The following RBMS1 variants were observed in gnomAD, a reference collection of about 807,000 sequenced individuals.
RBMS1 encodes the protein RNA-binding motif, single-stranded-interacting protein 1.
A neutral mutation model predicts 62.3 loss-of-function variants in RBMS1; 17 were observed. The observed-to-expected ratio is 0.27, with a 90% CI of 0.19 to 0.41. RBMS1 has a LOEUF of 0.41. RBMS1 is among the 10% of genes least tolerant of loss of function. The probability of loss-of-function intolerance (pLI) is 1.00; values close to 1 mark genes in which losing one functional copy is unlikely to be tolerated. For synonymous variants in RBMS1, 172 were observed against 170.0 expected (o/e 1.01, Z -0.09); for missense variants, 334 against 504.5 (o/e 0.66, Z 3.24).
intron 1 of RBMS1, among the ~76,000 whole-genome samples, chr2:160,464,478 G>A (rs1250153602): frequency 6.6e-6 from 1 of 152,120 alleles, no homozygotes; most frequent in Non-Finnish European, 1.5e-5. Flanking sequence ...TGCATATTAA[G>A]AGTAGACTTG....
chr2:160,384,150 TC>T (rs1694444860), intron 1 of RBMS1, among the ~76,000 whole-genome samples: 1 of 152,190 alleles, frequency 6.6e-6, no homozygotes, highest in South Asian at 2.1e-4. Flanking sequence ...TGAGCCAAGA[TC>T]GTGCCACCGC....
rs1685948200 is a variant in RBMS1, at chr2:160,493,422, G to C, written c.-59C>G. ...GGACACTTTGGGGTTTCCAAGTCTC[G>C]GGCTCTCCTGCCTCTCCCTTTCCGG... On this transcript the variant is annotated 5_prime_UTR_variant, in exon 1 of 14. Coordinates refer to ENST00000348849, the MANE Select transcript of RBMS1 (RefSeq NM_016836.4). The C allele has an allele frequency of 7.8e-6, 12 of 1,533,522 alleles. No individual in the cohort carries two copies. The South Asian group carries it at 1.1e-4, about 14-fold the overall frequency. The allele number at this position is 1,533,522 out of a possible 1,614,324, so 95.0% of individuals were successfully genotyped here.
chr2:160,376,761 A>G (rs1482419606), intron 1 of RBMS1, among the ~76,000 whole-genome samples: 2 of 151,972 alleles, frequency 1.3e-5, no homozygotes, highest in Non-Finnish European at 2.9e-5. Flanking sequence ...ACAGCCTCCC[A>G]CGTAGCTGGG....
chr2:160,382,844 A>C (rs530741025), intron 1 of RBMS1, among the ~76,000 whole-genome samples: 96 of 150,906 alleles, frequency 6.4e-4, no homozygotes, highest in African/African-American at 2.2e-3. Flanking sequence ...TAGTTTACTT[A>C]ATTTTTTTTT....
rs1574020287 is a variant in RBMS1 at position 160,408,007 on chromosome 2, G to T, written c.76-40616C>A. The T allele has an allele frequency of 2.1e-5, 16 of 774,412 alleles. No homozygotes were observed. The South Asian group carries it at 7.8e-4, about 38-fold the overall frequency. 48.0% of individuals were successfully genotyped at this position (774,412 alleles called of 1,614,324 possible). A position where few individuals can be genotyped will look rare whatever the true frequency, so the allele number is the denominator to read the frequency against. ...CCGCCCGCTGGGCGCGGCGCCTGCC[G>T]CCCCATCGCCCGCCCGGCCCCCGCG... On this transcript the variant is annotated intron_variant, in intron 1 of 13. Coordinates refer to ENST00000348849, the MANE Select transcript of RBMS1 (RefSeq NM_016836.4).
At chr2:160,281,492 T>C in intron 9 of RBMS1, 128 bp from the exon 10 acceptor site, 2 of 702,076 alleles carry the variant, frequency 2.8e-6, no homozygotes, top group Non-Finnish European at 2.3e-6. Flanking sequence ...TATCAATGAT[T>C]AAAAAGATTA....
At chr2:160,472,235 C>T (rs535269549) in intron 1 of RBMS1, among the ~76,000 whole-genome samples, 1 of 152,204 alleles carries the variant, frequency 6.6e-6, no homozygotes, top group Non-Finnish European at 1.5e-5. Context: ...CTCAGAATTA[C>T]AAAGCCAAAC....
intron 1 of RBMS1, among the ~76,000 whole-genome samples, chr2:160,374,897 T>A (rs1454809820): frequency 1.3e-5 from 2 of 149,710 alleles, no homozygotes; most frequent in Non-Finnish European, 3.0e-5. Flanking sequence ...ACCATTGCAC[T>A]CCAGCCTGGG....
chr2:160,410,180 C>T (rs977785152), intron 1 of RBMS1, among the ~76,000 whole-genome samples: 1 of 144,278 alleles, frequency 6.9e-6, no homozygotes, highest in Non-Finnish European at 1.5e-5. Flanking sequence ...CGAGATCACG[C>T]CGCTGCACCC....
At chr2:160,393,790 G>A (rs1297098087) in intron 1 of RBMS1, among the ~76,000 whole-genome samples, 4 of 148,190 alleles carry the variant, frequency 2.7e-5, no homozygotes, top group African/African-American at 5.0e-5. Context: ...AAAAAAAAAA[G>A]AAAAGAAAAC....
chr2:160,321,733 C>T (rs1256946091), intron 2 of RBMS1, among the ~76,000 whole-genome samples: 9 of 152,168 alleles, frequency 5.9e-5, no homozygotes, highest in East Asian at 1.9e-4. Context: ...TCGGGGTCCT[C>T]GTGCCACCAC....
chr2:160,380,221 G>A (rs1219315174), intron 1 of RBMS1, among the ~76,000 whole-genome samples: 1 of 152,064 alleles, frequency 6.6e-6, no homozygotes, highest in Non-Finnish European at 1.5e-5. Context: ...AGTGGAAACT[G>A]GCTTCAGGAG....
chr2:160,370,323 A>G (rs10189764), intron 1 of RBMS1, among the ~76,000 whole-genome samples: 27,770 of 152,220 alleles, frequency 0.18, 3,293 homozygotes, highest in Admixed American at 0.36. Flanking sequence ...TTTAAACCCA[A>G]GATTACGTTT....
chr2:160,415,862 T>C (rs1297201725), intron 1 of RBMS1, among the ~76,000 whole-genome samples: 2 of 152,070 alleles, frequency 1.3e-5, no homozygotes, highest in African/African-American at 4.8e-5. Context: ...GCTAGAATAA[T>C]TAATGATGTC....
At chr2:160,480,513 A>G (rs1685321100) in intron 1 of RBMS1, among the ~76,000 whole-genome samples, 2 of 152,238 alleles carry the variant, frequency 1.3e-5, no homozygotes, top group South Asian at 4.1e-4. Flanking sequence ...AAGTACTTAA[A>G]ACAATAACTT....
At chr2:160,303,092 G>A (rs945605734) in intron 5 of RBMS1, among the ~76,000 whole-genome samples, 2 of 152,184 alleles carry the variant, frequency 1.3e-5, no homozygotes, top group Non-Finnish European at 2.9e-5. Context: ...TTTTGCTCAT[G>A]TGATAGTTCC....
rs1559621626 is a variant in RBMS1 at position 160,493,557 on chromosome 2, C to CTCCTCCTCCTCCTCT, written c.-209_-195dup. 3.9e-5 allele frequency: 24 copies of CTCCTCCTCCTCCTCT among 620,132 alleles called. No homozygotes were observed. The Admixed American group carries it at 4.1e-4, about 11-fold the overall frequency. 38.4% of individuals were successfully genotyped at this position (620,132 alleles called of 1,614,324 possible). On this transcript the variant is annotated 5_prime_UTR_variant, in exon 1 of 14. Coordinates refer to ENST00000348849, the MANE Select transcript of RBMS1 (RefSeq NM_016836.4). ...CCTCCTCCTCTTCCTCCTCCTCCTC[C>CTCCTCCTCCTCCTCT]TCCTCCTCCTCCTCTTCCTCCTCCT...
chr2:160,415,212 G>C (rs1696169534), intron 1 of RBMS1, among the ~76,000 whole-genome samples: 1 of 152,018 alleles, frequency 6.6e-6, no homozygotes. Flanking sequence ...TTAATTCAAT[G>C]AATTTTCCAT....
chr2:160,328,778 A>C (rs986547875), intron 2 of RBMS1, among the ~76,000 whole-genome samples: 1 of 152,078 alleles, frequency 6.6e-6, no homozygotes, highest in Non-Finnish European at 1.5e-5. Context: ...TAAATTTGTC[A>C]CTCCTTTTAA....
Sources: gnomAD v4.1 joint callset for allele counts (sites outside exome capture counted in the v4.1 genomes callset) on GRCh38, gnomAD v4.1.1 for gene constraint, MANE v1.5 for transcripts, NCBI Gene and HGNC (gene_info 2026-07-23, HGNC 2026-07-21) for gene names.